The following USH2A variants were observed in gnomAD, a reference collection of about 807,000 sequenced individuals.
USH2A encodes Usher syndrome 2A (autosomal recessive, mild).
Under a neutral mutation model 538.9 loss-of-function variants are expected in USH2A, and 443 were observed. The observed-to-expected ratio is 0.82, with a 90% CI of 0.76 to 0.89. The LOEUF is 0.89. Among genes scored for constraint, USH2A ranks in the 40% least tolerant of loss-of-function variants. USH2A has a pLI of 0.00. For synonymous variants in USH2A, 2,413 were observed against 2,273.5 expected (o/e 1.06, Z -1.75); for missense variants, 6,633 against 6,324.8 (o/e 1.05, Z -1.65).
chr1:215,925,585 G>GT (rs1666218295), intron 38 of USH2A, among the ~76,000 whole-genome samples: 1 of 152,102 alleles, frequency 6.6e-6, no homozygotes, highest in South Asian at 2.1e-4. Flanking sequence ...TCACCATCCT[G>GT]TATCTTCATT....
chr1:215,741,485 T>C lies in USH2A; in HGVS notation c.11601A>G (p.Pro3867=). The C allele has an allele frequency of 6.2e-7, 1 of 1,613,942 alleles. No individual in the cohort carries two copies. The highest frequency in any genetic ancestry group is 8.5e-7 in the Non-Finnish European group (1 of 1,179,986). ...TAAGAACAGGAGAATTAAGATCCAT[T>C]GGGGCTGCTTCAGGTGTTTTGACAA... is the stretch of plus-strand genomic sequence containing the variant. ...RMFVKTPEAA[P]MDLNSPVLKA... Residue 3867 remains proline (P), a synonymous_variant, in exon 60 of 72, where the codon CCA becomes CCG. Coordinates refer to ENST00000307340, the MANE Select transcript of USH2A (RefSeq NM_206933.4).
At chr1:215,847,670 T>C (rs1378882609) in intron 44 of USH2A, among the ~76,000 whole-genome samples, 1 of 150,896 alleles carries the variant, frequency 6.6e-6, no homozygotes, top group Non-Finnish European at 1.5e-5. Context: ...AGAAAAAAAG[T>C]TAAACAGCAT....
At chr1:216,085,875 G>A (rs2032113974) in intron 24 of USH2A, among the ~76,000 whole-genome samples, 1 of 152,016 alleles carries the variant, frequency 6.6e-6, no homozygotes, top group Non-Finnish European at 1.5e-5. Flanking sequence ...TCCTAAATTT[G>A]ATGAACACTT....
chr1:215,782,842 G>C lies in USH2A; in HGVS notation c.10481C>G (p.Thr3494Arg), dbSNP rs1661681799. Residue 3494 changes from threonine (T) to arginine (R), a missense_variant, in exon 53 of 72, where the codon ACA (threonine) becomes AGA (arginine). Physicochemically the swap from Thr to Arg is moderately conservative, Grantham distance 71. Coordinates refer to ENST00000307340, the MANE Select transcript of USH2A (RefSeq NM_206933.4). Reference protein sequence around the residue: ...RGLSKAVRARTKEDVPQGVSP... With the variant: ...RGLSKAVRARRKEDVPQGVSP... ...CACTCCTTGAGGCACATCTTCTTTT[G>C]TTCTGGCTCTCACAGCTTTGCTGAG... is the stretch of plus-strand genomic sequence containing the variant. 1 of 1,613,890 alleles carries C rather than the reference G, an allele frequency of 6.2e-7. No individual in the cohort carries two copies. Among genetic ancestry groups the C allele is most frequent in the South Asian group, 1.1e-5 (1 of 91,080 alleles).
At chr1:215,979,062 A>G (rs1310623822) in intron 35 of USH2A, among the ~76,000 whole-genome samples, 1 of 152,182 alleles carries the variant, frequency 6.6e-6, no homozygotes, top group Non-Finnish European at 1.5e-5. Context: ...CCCCAGTTCC[A>G]CATGGCTAGG....
Position 215,782,897 on chromosome 1 carries a change from T to G in USH2A, c.10426A>C (p.Ile3476Leu), listed in dbSNP as rs1038876830. 8 of 1,613,670 alleles carry G rather than the reference T, an allele frequency of 5.0e-6. No homozygotes were observed. In the African/African-American group the frequency reaches 1.1e-4, roughly 22 times the overall value. The change falls in exon 53 of 72, where the codon ATT becomes CTT. Residue 3476 changes from isoleucine to leucine, a missense_variant. Ile to Leu is a conservative substitution (Grantham distance 5). Coordinates refer to ENST00000307340, the MANE Select transcript of USH2A (RefSeq NM_206933.4). ...CGCCCATAGCTGTTCCAGGCAGAAATCCTGTACTCATATGTCATGTAGGGC... is the reference window on the plus strand; with the variant it reads ...CGCCCATAGCTGTTCCAGGCAGAAAGCCTGTACTCATATGTCATGTAGGGC... ...LKPYMTYEYR[I>L]SAWNSYGRGL...
intron 9 of USH2A, 99 bp downstream of exon 9, chr1:216,321,784 T>A: frequency 8.8e-7 from 1 of 1,141,686 alleles, no homozygotes; most frequent in Admixed American, 1.8e-5. Context: ...AGTTTTTAAA[T>A]TTATTTTCAT....
chr1:215,879,481 C>T (rs1047754311), intron 41 of USH2A, among the ~76,000 whole-genome samples: 2 of 152,150 alleles, frequency 1.3e-5, no homozygotes, highest in African/African-American at 4.8e-5. Context: ...TATAACTCAA[C>T]TAAATGAAAC....
At chr1:215,804,746 A>G (rs908009833) in intron 49 of USH2A, among the ~76,000 whole-genome samples, 3 of 152,126 alleles carry the variant, frequency 2.0e-5, no homozygotes, top group African/African-American at 4.8e-5. Context: ...GGGATCTTGA[A>G]CTAGAAATAC....
At chr1:216,172,110 C>T (rs2034286255) in intron 21 of USH2A, among the ~76,000 whole-genome samples, 1 of 151,994 alleles carries the variant, frequency 6.6e-6, no homozygotes. Context: ...GACATATATT[C>T]ATATGCTTGA....
intron 4 of USH2A, among the ~76,000 whole-genome samples, chr1:216,329,750 T>C (rs2037816876): frequency 6.6e-6 from 1 of 152,062 alleles, no homozygotes; most frequent in African/African-American, 2.4e-5. Flanking sequence ...AAATACTCCT[T>C]GTGGGGAACT....
intron 37 of USH2A, among the ~76,000 whole-genome samples, chr1:215,955,744 A>C (rs543261981): frequency 6.6e-6 from 1 of 152,160 alleles, no homozygotes; most frequent in Non-Finnish European, 1.5e-5. Flanking sequence ...GTAAAGTAAC[A>C]CATTGATTAT....
At chr1:215,810,484 G>T (rs1481149525) in intron 49 of USH2A, among the ~76,000 whole-genome samples, 1 of 152,036 alleles carries the variant, frequency 6.6e-6, no homozygotes, top group Non-Finnish European at 1.5e-5. Flanking sequence ...AGGGACAGAG[G>T]ATATTTTGTA....
At position 215,647,525 on chromosome 1, in the gene USH2A, CT is replaced by C. The variant is rs34713174; in HGVS notation, c.14787del (p.Glu4930AsnfsTer20). On this transcript the variant is annotated frameshift_variant, in exon 67 of 72. Transcript: ENST00000307340. LOFTEE classifies it high-confidence loss of function. ...GGTAGCAGCCACTTATACTCACATT[CT>C]TTTTGGGTGGTGAAACTGATCCACT... ...ASEWISFTTQ[K>X]ELPQYRAPFS... 1.2e-6 allele frequency: 2 copies of C among 1,613,878 alleles called. No individual in the cohort carries two copies. The highest frequency in any genetic ancestry group is 1.7e-5 in the Admixed American group (1 of 60,016).
At chr1:216,232,320 A>G (rs2035715291) in intron 13 of USH2A, among the ~76,000 whole-genome samples, 184 bp from the exon 14 acceptor site, 1 of 152,194 alleles carries the variant, frequency 6.6e-6, no homozygotes, top group African/African-American at 2.4e-5. Context: ...TAAATTATCT[A>G]CATTGGACTT....
chr1:215,670,888 T>C, intron 64 of USH2A, 84 bp downstream of exon 64: 1 of 1,416,470 alleles, frequency 7.1e-7, no homozygotes, highest in Non-Finnish European at 9.9e-7. Flanking sequence ...TTAAGTGCCT[T>C]TTCAAATTGT....
chr1:215,697,369 C>T (rs575975208), intron 61 of USH2A, among the ~76,000 whole-genome samples: 1 of 152,252 alleles, frequency 6.6e-6, no homozygotes, highest in South Asian at 2.1e-4. Flanking sequence ...CTGAGTGCCA[C>T]CTGTAGCTTG....
In USH2A at chr1:215,648,656, C is replaced by G; in HGVS notation, c.14454G>C (p.Pro4818=). The G allele has an allele frequency of 6.2e-7, 1 of 1,614,150 alleles. No homozygotes were observed. Among genetic ancestry groups the G allele is most frequent in the Non-Finnish European group, 8.5e-7 (1 of 1,180,032 alleles). ...CAGGATGGGTTCTCAGTTCAGCTGT[C>G]GGTCCTTTGCTGCAACAGTTGAAGC... ...CTCFNCCSKG[P]TAELRTHPAP... is the part of the protein sequence containing the mutation. The change falls in exon 66 of 72, where the codon CCG becomes CCC. Residue 4818 remains proline (P), a synonymous_variant. Coordinates refer to ENST00000307340, the MANE Select transcript of USH2A (RefSeq NM_206933.4).
intron 35 of USH2A, among the ~76,000 whole-genome samples, chr1:215,976,984 G>GTT (rs56872387): frequency 0.022 from 3,123 of 144,366 alleles, 114 homozygotes; most frequent in African/African-American, 0.071. Context: ...ACCTGGTCCA[G>GTT]TTTTTTTTTT....
Sources: gnomAD v4.1 joint callset for allele counts (sites outside exome capture counted in the v4.1 genomes callset) on GRCh38, gnomAD v4.1.1 for gene constraint, MANE v1.5 for transcripts, NCBI Gene and HGNC (gene_info 2026-07-23, HGNC 2026-07-21) for gene names.